The following IL1RAPL2 variants were observed in gnomAD, a reference collection of about 807,000 sequenced individuals.
The protein encoded by IL1RAPL2 is interleukin 1 receptor accessory protein like 2.
In IL1RAPL2, 3 loss-of-function variants were observed where a neutral mutation model predicts 44.1. The observed-to-expected ratio is 0.07, with a 90% CI of 0.03 to 0.18. The LOEUF is 0.18. Among genes scored for constraint, IL1RAPL2 ranks in the 10% least tolerant of loss-of-function variants. IL1RAPL2 has a pLI of 1.00. For synonymous variants in IL1RAPL2, 181 were observed against 178.8 expected (o/e 1.01, Z -0.10); for missense variants, 391 against 496.4 (o/e 0.79, Z 2.02).
At chrX:105,019,174 G>A (rs1430130297) in intron 2 of IL1RAPL2, among the ~76,000 whole-genome samples, 1 of 112,057 alleles carries the variant, frequency 8.9e-6, no homozygotes, top group Non-Finnish European at 1.9e-5. Flanking sequence ...TTTAAGTACA[G>A]AATTGAGTAG....
At chrX:104,631,435 A>C (rs1929647283) in intron 1 of IL1RAPL2, among the ~76,000 whole-genome samples, 1 of 111,652 alleles carries the variant, frequency 9.0e-6, no homozygotes, top group African/African-American at 3.3e-5. Flanking sequence ...CAATGGTTGA[A>C]CTAGTTTACA....
At chrX:105,159,322 G>C (rs2033300505) in intron 2 of IL1RAPL2, among the ~76,000 whole-genome samples, 1 of 111,967 alleles carries the variant, frequency 8.9e-6, no homozygotes, top group South Asian at 3.7e-4. Context: ...TTCAAGTGCT[G>C]ATGTTATTCC....
chrX:105,730,596 A>C (rs2038398158), intron 7 of IL1RAPL2, among the ~76,000 whole-genome samples: 1 of 111,457 alleles, frequency 9.0e-6, no homozygotes, highest in South Asian at 3.7e-4. Context: ...ATTCTCAAGA[A>C]TAGACCATAT....
chrX:105,579,877 T>C, intron 6 of IL1RAPL2, among the ~76,000 whole-genome samples: 1 of 111,718 alleles, frequency 9.0e-6, no homozygotes, highest in Middle Eastern at 4.6e-3. Flanking sequence ...CCAAGATACA[T>C]GATTTGGGAT....
intron 1 of IL1RAPL2, among the ~76,000 whole-genome samples, chrX:104,627,228 G>A (rs1929527110): frequency 9.4e-6 from 1 of 106,183 alleles, no homozygotes; most frequent in Admixed American, 1.0e-4. Flanking sequence ...CCACCTATGA[G>A]TAAGAACATG....
intron 2 of IL1RAPL2, among the ~76,000 whole-genome samples, chrX:104,700,330 G>C (rs1349842498): frequency 1.8e-5 from 2 of 111,451 alleles, no homozygotes; most frequent in African/African-American, 6.5e-5. Flanking sequence ...ATCGGGATAG[G>C]TGATTTTCAG....
intron 2 of IL1RAPL2, among the ~76,000 whole-genome samples, chrX:105,006,199 T>A (rs1237042755): frequency 1.8e-5 from 2 of 110,653 alleles, no homozygotes; most frequent in Admixed American, 9.7e-5. Flanking sequence ...TGGGTGTTAT[T>A]TTTCCCCTCC....
intron 2 of IL1RAPL2, among the ~76,000 whole-genome samples, chrX:104,726,986 T>G (rs1226522134): frequency 9.5e-6 from 1 of 105,438 alleles, no homozygotes; most frequent in African/African-American, 3.5e-5. Context: ...ACCTGAAAAT[T>G]AAAAAAAAAA....
intron 6 of IL1RAPL2, among the ~76,000 whole-genome samples, chrX:105,659,437 C>G (rs962889561): frequency 9.1e-6 from 1 of 110,254 alleles, no homozygotes; most frequent in Non-Finnish European, 1.9e-5. Context: ...GCGGGCGGAT[C>G]ACGAGGTCAG....
chrX:104,893,435 G>T lies in IL1RAPL2; in HGVS notation c.82+234440G>T, dbSNP rs1008160256. 1.2e-4 allele frequency among the ~76,000 whole-genome samples: 13 copies of T among 111,253 alleles called. No homozygotes were observed. The Middle Eastern group carries it at 0.014, about 119-fold the overall frequency. ...GTGTGGGAGTCTAAGTCTCTTTGTA[G>T]GTCACTCAGGACTTGCTTTATGAAT... On this transcript the variant is annotated intron_variant, in intron 2 of 10. Transcript: ENST00000372582.
intron 5 of IL1RAPL2, among the ~76,000 whole-genome samples, chrX:105,353,606 A>C (rs1244046089): frequency 6.3e-5 from 7 of 111,088 alleles, no homozygotes; most frequent in East Asian, 2.8e-4. Flanking sequence ...CTTTTATTTC[A>C]TTGAGCAGTG....
intron 5 of IL1RAPL2, among the ~76,000 whole-genome samples, chrX:105,450,088 A>G (rs1359434641): frequency 8.9e-6 from 1 of 112,062 alleles, no homozygotes; most frequent in African/African-American, 3.3e-5. Flanking sequence ...TGTTTCATCC[A>G]TTGGGATGGG....
chrX:105,575,986 T>A (rs1285984508), intron 6 of IL1RAPL2, among the ~76,000 whole-genome samples: 1 of 111,943 alleles, frequency 8.9e-6, no homozygotes, highest in African/African-American at 3.2e-5. Flanking sequence ...GAAAAGTATC[T>A]GTTCATGTCA....
chrX:104,582,822 C>CTTTTTCTTTTCTTTCTTTCTT (rs748809592), intron 1 of IL1RAPL2, among the ~76,000 whole-genome samples: 3 of 40,656 alleles, frequency 7.4e-5, no homozygotes, highest in African/African-American at 3.2e-4. Context: ...TCCTTTCTTT[C>CTTTTTCTTTTCTTTCTTTCTT]TCTTTCTTTC....
At chrX:105,612,711 G>C (rs1220444495) in intron 6 of IL1RAPL2, among the ~76,000 whole-genome samples, 1 of 111,711 alleles carries the variant, frequency 9.0e-6, no homozygotes, top group Non-Finnish European at 1.9e-5. Flanking sequence ...GTGAGACATT[G>C]GATTGAACTC....
rs1299505748 is a variant in IL1RAPL2 at position 105,447,190 on chromosome X, TATATATAA to T, written c.698-37115_698-37108del. ...ATATAAATATATATATAAATATAAA[TATATATAA>T]ATATATATAAATATATATAAAATAT... is the stretch of plus-strand genomic sequence containing the variant. On this transcript the variant is annotated intron_variant, in intron 5 of 10. Coordinates refer to ENST00000372582, the MANE Select transcript of IL1RAPL2 (RefSeq NM_017416.2). Among the ~76,000 whole-genome samples the T allele has an allele frequency of 5.0e-4, 9 of 18,075 alleles. No individual in the cohort carries two copies. In the African/African-American group the frequency reaches 0.011, roughly 22 times the overall value. The allele number at this position is 18,075 out of a possible 115,157, so 15.7% of individuals were successfully genotyped here.
intron 5 of IL1RAPL2, among the ~76,000 whole-genome samples, chrX:105,316,662 GTTCAAC>G (rs1335796128): frequency 8.9e-6 from 1 of 111,959 alleles, no homozygotes; most frequent in East Asian, 2.8e-4. Context: ...TCATAAGAAA[GTTCAAC>G]TTCATCCATG....
chrX:104,920,496 T>G (rs373575504), intron 2 of IL1RAPL2, among the ~76,000 whole-genome samples: 1 of 92,664 alleles, frequency 1.1e-5, no homozygotes, highest in Non-Finnish European at 2.1e-5. Context: ...TATCGTGAGA[T>G]ATGGTTATTT....
rs767128034 is a variant in IL1RAPL2 at position 105,359,751 on chromosome X, T to TTAA, written c.697+92225_697+92227dup. 1.5e-4 allele frequency among the ~76,000 whole-genome samples: 11 copies of TTAA among 75,742 alleles called. No individual in the cohort carries two copies. In the South Asian group the frequency reaches 7.5e-3, roughly 51 times the overall value. The allele number at this position is 75,742 out of a possible 115,157, so 65.8% of individuals were successfully genotyped here. A position where few individuals can be genotyped will look rare whatever the true frequency, so the allele number is the denominator to read the frequency against. On this transcript the variant is annotated intron_variant, in intron 5 of 10. Coordinates refer to ENST00000372582, the MANE Select transcript of IL1RAPL2 (RefSeq NM_017416.2). ...AGTTGTCTCAGAAATTAACTGTAAT[T>TTAA]TAATAATAATAATAATACATTTAGT...
Sources: gnomAD v4.1 joint callset for allele counts (sites outside exome capture counted in the v4.1 genomes callset) on GRCh38, gnomAD v4.1.1 for gene constraint, MANE v1.5 for transcripts, NCBI Gene and HGNC (gene_info 2026-07-23, HGNC 2026-07-21) for gene names.